CFAP61: variants seen among roughly 807,000 people sequenced by gnomAD.
CFAP61 encodes the protein cilia and flagella associated protein 61.
Under a neutral mutation model 135.6 loss-of-function variants are expected in CFAP61, and 107 were observed. The observed-to-expected ratio is 0.79, with a 90% confidence interval of 0.67 to 0.93. The LOEUF (loss-of-function observed/expected upper bound fraction) is 0.93, where lower values mean the gene tolerates loss of function less well. Among genes scored for constraint, CFAP61 ranks in the 40% least tolerant of loss-of-function variants. The pLI is 0.00. For synonymous variants in CFAP61, 575 were observed against 578.5 expected (o/e 0.99, Z 0.09); for missense variants, 1,507 against 1,556.2 (o/e 0.97, Z 0.53).
At chr20:20,138,209 G>A (rs1421345203) in intron 8 of CFAP61, among the ~76,000 whole-genome samples, 2 of 152,182 alleles carry the variant, frequency 1.3e-5, no homozygotes, top group Non-Finnish European at 2.9e-5. Flanking sequence ...GCTGTGAGAT[G>A]CGGTGCCTGG....
At chr20:20,253,477 A>G in intron 20 of CFAP61, 1 of 387,404 alleles carries the variant, frequency 2.6e-6, no homozygotes, top group South Asian at 2.1e-5. Flanking sequence ...GAGTCTGGCC[A>G]CACATCTTGG....
intron 20 of CFAP61, among the ~76,000 whole-genome samples, 199 bp from the exon 21 acceptor site, chr20:20,262,757 A>G (rs891400882): frequency 2.0e-5 from 3 of 147,744 alleles, no homozygotes; most frequent in South Asian, 2.1e-4. Context: ...AACTAGAGCA[A>G]CTCCCTCTGA....
At chr20:20,182,824 G>C (rs976630432) in intron 13 of CFAP61, among the ~76,000 whole-genome samples, 1 of 152,134 alleles carries the variant, frequency 6.6e-6, no homozygotes, top group African/African-American at 2.4e-5. Context: ...GCTTTATTAG[G>C]CAAAACCACA....
intron 9 of CFAP61, among the ~76,000 whole-genome samples, chr20:20,149,072 G>T (rs1017732617): frequency 2.0e-5 from 3 of 152,148 alleles, no homozygotes; most frequent in African/African-American, 7.2e-5. Flanking sequence ...ACTACTGACC[G>T]ATTTGGCGTA....
At chr20:20,166,509 A>G (rs2053845533) in intron 12 of CFAP61, 73 bp downstream of exon 12, 1 of 1,179,746 alleles carries the variant, frequency 8.5e-7, no homozygotes, top group Non-Finnish European at 1.3e-6. Context: ...AATGCCATAA[A>G]TTTATTATGC....
chr20:20,255,209 A>G (rs961219588), intron 20 of CFAP61, among the ~76,000 whole-genome samples: 1 of 151,728 alleles, frequency 6.6e-6, no homozygotes, highest in African/African-American at 2.4e-5. Flanking sequence ...TGGCAAACAC[A>G]CTCTGGTTTT....
intron 25 of CFAP61, among the ~76,000 whole-genome samples, chr20:20,328,439 G>T (rs1471396756): frequency 6.6e-6 from 1 of 152,136 alleles, no homozygotes; most frequent in Non-Finnish European, 1.5e-5. Flanking sequence ...ACTCCTAGAA[G>T]AAAACAAAGA....
At chr20:20,224,487 T>A (rs1361455815) in intron 17 of CFAP61, among the ~76,000 whole-genome samples, 1 of 152,164 alleles carries the variant, frequency 6.6e-6, no homozygotes, top group Non-Finnish European at 1.5e-5. Context: ...GACATCAACT[T>A]TAAGGAATTT....
chr20:20,202,749 T>TC (rs2146899276), intron 17 of CFAP61, among the ~76,000 whole-genome samples: 1 of 151,462 alleles, frequency 6.6e-6, no homozygotes, highest in Admixed American at 6.6e-5. Flanking sequence ...GTTTCACATC[T>TC]CCCACCGCCC....
In CFAP61 at chr20:20,360,204, T is replaced by C. The variant is rs2059424655; in HGVS notation, c.3514-6T>C. ...TCTGTATCTGGCCTCTTACTGTGTT[T>C]TACAGGAGGAAGATCTTCCTTCCAT... is the stretch of plus-strand genomic sequence containing the variant. On this transcript the variant is annotated splice_polypyrimidine_tract_variant and splice_region_variant and intron_variant, in intron 26 of 26. Coordinates refer to ENST00000245957, the MANE Select transcript of CFAP61 (RefSeq NM_015585.4). 6.2e-7 allele frequency: 1 copy of C among 1,611,588 alleles called. No homozygotes were observed. Among genetic ancestry groups the C allele is most frequent in the Non-Finnish European group, 8.5e-7 (1 of 1,177,806 alleles).
chr20:20,262,093 T>A (rs1176722038), intron 20 of CFAP61, among the ~76,000 whole-genome samples: 1 of 152,200 alleles, frequency 6.6e-6, no homozygotes, highest in Admixed American at 6.5e-5. Flanking sequence ...CAACCCCAGA[T>A]ACAATTTCTG....
intron 2 of CFAP61, among the ~76,000 whole-genome samples, chr20:20,058,907 T>A (rs1202092145): frequency 6.6e-6 from 1 of 152,202 alleles, no homozygotes; most frequent in Non-Finnish European, 1.5e-5. Flanking sequence ...AGGAAACATG[T>A]ATCATTAGAA....
intron 26 of CFAP61, among the ~76,000 whole-genome samples, chr20:20,353,085 C>A (rs1280691773): frequency 2.6e-5 from 4 of 152,118 alleles, no homozygotes; most frequent in Non-Finnish European, 5.9e-5. Flanking sequence ...CCTGAATAGA[C>A]ACTTCTCAAA....
chr20:20,067,709 TTATA>T (rs1568820342), intron 2 of CFAP61, among the ~76,000 whole-genome samples: 1 of 145,568 alleles, frequency 6.9e-6, no homozygotes, highest in East Asian at 2.0e-4. Flanking sequence ...TATTCATATT[TTATA>T]TATAATATAT....
At chr20:20,087,955 G>A (rs753866671) in intron 6 of CFAP61, among the ~76,000 whole-genome samples, 1 of 151,992 alleles carries the variant, frequency 6.6e-6, no homozygotes, top group Non-Finnish European at 1.5e-5. Flanking sequence ...GGTGACCACC[G>A]ATAATGCTCA....
At chr20:20,204,681 T>C (rs1299180771) in intron 17 of CFAP61, among the ~76,000 whole-genome samples, 1 of 152,184 alleles carries the variant, frequency 6.6e-6, no homozygotes, top group African/African-American at 2.4e-5. Flanking sequence ...TTGGTTATAT[T>C]TGTGGTCGGG....
At chr20:20,194,429 A>G (rs2146881681) in intron 15 of CFAP61, among the ~76,000 whole-genome samples, 1 of 152,272 alleles carries the variant, frequency 6.6e-6, no homozygotes, top group South Asian at 2.1e-4. Flanking sequence ...TATTACATGT[A>G]AGATCCTTTT....
At chr20:20,090,264 A>T (rs2047087767) in intron 6 of CFAP61, among the ~76,000 whole-genome samples, 1 of 152,238 alleles carries the variant, frequency 6.6e-6, no homozygotes, top group African/African-American at 2.4e-5. Flanking sequence ...CTCTCAGCTC[A>T]GATGACCCTC....
intron 18 of CFAP61, among the ~76,000 whole-genome samples, chr20:20,240,854 G>A (rs1254415418): frequency 1.3e-5 from 2 of 152,188 alleles, no homozygotes; most frequent in Non-Finnish European, 2.9e-5. Flanking sequence ...TTAATAGGCA[G>A]CACTCTCTGC....
Sources: allele counts gnomAD v4.1 joint callset (sites outside exome capture counted in the v4.1 genomes callset), GRCh38; gene constraint gnomAD v4.1.1; transcripts MANE v1.5; gene names NCBI Gene and HGNC (gene_info 2026-07-23, HGNC 2026-07-21).